Variants in IMPG2 observed in about 807,000 individuals in gnomAD.
IMPG2 encodes IPM 200.
IMPG2 carries 91 observed loss-of-function variants against 129.2 expected under a neutral mutation model. The observed-to-expected ratio is 0.70, with a 90% CI of 0.59 to 0.84. IMPG2 has a LOEUF of 0.84. IMPG2 is among the 40% of genes least tolerant of loss of function. The pLI is 0.00. For missense variants in IMPG2, 1,430 were observed against 1,461.7 expected (o/e 0.98, Z 0.35); for synonymous variants, 510 against 517.7 (o/e 0.99, Z 0.20).
chr3:101,243,100 A>G (rs1706428440), intron 13 of IMPG2, among the ~76,000 whole-genome samples, 193 bp from the exon 14 acceptor site: 1 of 152,218 alleles, frequency 6.6e-6, no homozygotes, highest in Non-Finnish European at 1.5e-5. Flanking sequence ...TAGAAATGCT[A>G]TAAGATTTTC....
intron 2 of IMPG2, among the ~76,000 whole-genome samples, chr3:101,316,921 A>C (rs2058788503): frequency 1.3e-5 from 2 of 152,158 alleles, no homozygotes; most frequent in African/African-American, 4.8e-5. Context: ...AAACACATGC[A>C]TAAATTTCAA....
intron 4 of IMPG2, among the ~76,000 whole-genome samples, chr3:101,283,857 T>A (rs1478278424): frequency 6.6e-6 from 1 of 151,536 alleles, no homozygotes; most frequent in Non-Finnish European, 1.5e-5. Flanking sequence ...AATGTTAAAA[T>A]CCCCTTAGCT....
intron 11 of IMPG2, among the ~76,000 whole-genome samples, chr3:101,249,979 A>G (rs1329006948): frequency 6.6e-6 from 1 of 152,126 alleles, no homozygotes; most frequent in Non-Finnish European, 1.5e-5. Context: ...CTGGAGGCTG[A>G]GGCAGGAGGA....
rs1349921827 is a variant in IMPG2 at position 101,222,581 on chromosome 3, T to C, written c.*4388A>G. On this transcript the variant is annotated 3_prime_UTR_variant, in exon 19 of 19. Coordinates refer to ENST00000193391, the MANE Select transcript of IMPG2 (RefSeq NM_016247.4). ...TGATGTTTATTACTAATGAAAATAG[T>C]ACAGTTGTATACATAGGAAAACATC... is the stretch of plus-strand genomic sequence containing the variant. 3 of 152,232 alleles carry C rather than the reference T, an allele frequency of 2.0e-5. No individual in the cohort carries two copies. The highest frequency in any genetic ancestry group is 7.2e-5 in the African/African-American group (3 of 41,466). The allele number at this position is 152,232 out of a possible 1,614,324, so 9.4% of individuals were successfully genotyped here. A position where few individuals can be genotyped will look rare whatever the true frequency, so the allele number is the denominator to read the frequency against.
intron 9 of IMPG2, among the ~76,000 whole-genome samples, chr3:101,258,781 G>A (rs1165403588): frequency 6.6e-6 from 1 of 152,086 alleles, no homozygotes; most frequent in Non-Finnish European, 1.5e-5. Flanking sequence ...GTCTTTTGGA[G>A]AAATAACATC....
At chr3:101,260,505 C>T (rs1357824495) in intron 9 of IMPG2, among the ~76,000 whole-genome samples, 1 of 152,120 alleles carries the variant, frequency 6.6e-6, no homozygotes, top group African/African-American at 2.4e-5. Context: ...GGTCACCTAC[C>T]GATCAGAACT....
chr3:101,229,320 G>GGGCCCCC, intron 17 of IMPG2, 60 bp downstream of exon 17: 2 of 519,340 alleles, frequency 3.9e-6, no homozygotes, highest in Non-Finnish European at 6.1e-6. Flanking sequence ...ACCACCCCCT[G>GGGCCCCC]CTCCCCCACA....
At chr3:101,257,833 T>A in intron 9 of IMPG2, 60 bp from the exon 10 acceptor site, 1 of 1,585,726 alleles carries the variant, frequency 6.3e-7, no homozygotes, top group Non-Finnish European at 8.6e-7. Flanking sequence ...GAAAGGAGCA[T>A]TGAACCCATG....
intron 11 of IMPG2, among the ~76,000 whole-genome samples, chr3:101,249,236 T>C (rs1471784322): frequency 6.6e-6 from 1 of 152,210 alleles, no homozygotes; most frequent in Non-Finnish European, 1.5e-5. Flanking sequence ...CATTGGTAGA[T>C]TCTTCTAGAT....
At chr3:101,318,115 G>A (rs1316671835) in intron 2 of IMPG2, among the ~76,000 whole-genome samples, 4 of 149,880 alleles carry the variant, frequency 2.7e-5, no homozygotes, top group South Asian at 2.1e-4. Context: ...CAGCCTGGGC[G>A]ACAGAATGTG....
chr3:101,238,862 C>T (rs1706375694), intron 14 of IMPG2, among the ~76,000 whole-genome samples: 3 of 152,150 alleles, frequency 2.0e-5, no homozygotes, highest in Admixed American at 6.6e-5. Flanking sequence ...CAAATTCATG[C>T]ATAACAATAT....
At chr3:101,292,977 A>G (rs1338027659) in intron 3 of IMPG2, among the ~76,000 whole-genome samples, 1 of 152,196 alleles carries the variant, frequency 6.6e-6, no homozygotes, top group Admixed American at 6.5e-5. Flanking sequence ...TTCTACGTCT[A>G]GTTCTCTTGC....
At chr3:101,292,662 A>G (rs979699432) in intron 3 of IMPG2, among the ~76,000 whole-genome samples, 1 of 152,166 alleles carries the variant, frequency 6.6e-6, no homozygotes, top group African/African-American at 2.4e-5. Context: ...ATTTGGCCCC[A>G]TCAATTGATT....
intron 15 of IMPG2, among the ~76,000 whole-genome samples, chr3:101,231,473 C>T (rs1195627295): frequency 1.3e-5 from 2 of 152,178 alleles, no homozygotes; most frequent in African/African-American, 4.8e-5. Context: ...GGCATTAGGC[C>T]ATACAATTAG....
chr3:101,310,619 G>A (rs1707254661), intron 2 of IMPG2, among the ~76,000 whole-genome samples: 1 of 147,224 alleles, frequency 6.8e-6, no homozygotes, highest in South Asian at 2.1e-4. Flanking sequence ...ACATAATAAA[G>A]CAAACATAAT....
At chr3:101,249,343 C>A (rs1009440267) in intron 11 of IMPG2, among the ~76,000 whole-genome samples, 1 of 152,068 alleles carries the variant, frequency 6.6e-6, no homozygotes, top group African/African-American at 2.4e-5. Flanking sequence ...AAGTTTAAGT[C>A]ATTTCTGTCA....
chr3:101,248,122 G>A (rs1559644223), intron 11 of IMPG2, among the ~76,000 whole-genome samples: 1 of 152,286 alleles, frequency 6.6e-6, no homozygotes, highest in East Asian at 1.9e-4. Flanking sequence ...CCCAAAACAA[G>A]GTGATATGGT....
chr3:101,291,406 G>A, intron 4 of IMPG2, 73 bp downstream of exon 4: 1 of 1,222,314 alleles, frequency 8.2e-7, no homozygotes, highest in Non-Finnish European at 1.2e-6. Flanking sequence ...CATTAAATTT[G>A]GGGTGAGTCT....
chr3:101,252,305 T>C (rs1706553356), intron 11 of IMPG2, among the ~76,000 whole-genome samples: 1 of 152,194 alleles, frequency 6.6e-6, no homozygotes, highest in Non-Finnish European at 1.5e-5. Flanking sequence ...TGGATCCAGC[T>C]AGTCTCCAGT....
Sources: gnomAD v4.1 joint callset for allele counts (sites outside exome capture counted in the v4.1 genomes callset) on GRCh38, gnomAD v4.1.1 for gene constraint, MANE v1.5 for transcripts, NCBI Gene and HGNC (gene_info 2026-07-23, HGNC 2026-07-21) for gene names.